The following ASCC3 variants were observed in gnomAD, a reference collection of about 807,000 sequenced individuals.
The protein encoded by ASCC3 is activating signal cointegrator 1 complex subunit 3.
ASCC3 carries 158 observed loss-of-function variants against 256.3 expected under a neutral mutation model. The observed-to-expected ratio is 0.62, with a 90% CI of 0.54 to 0.70. The LOEUF (loss-of-function observed/expected upper bound fraction) is 0.70, where lower values mean the gene tolerates loss of function less well. ASCC3 is among the 30% of genes least tolerant of loss of function. The pLI is 0.00. For synonymous variants in ASCC3, 948 were observed against 883.4 expected (o/e 1.07, Z -1.30); for missense variants, 2,259 against 2,626.0 (o/e 0.86, Z 3.05).
intron 14 of ASCC3, among the ~76,000 whole-genome samples, chr6:100,679,079 G>A (rs926466475): frequency 2.8e-4 from 42 of 152,120 alleles, no homozygotes; most frequent in African/African-American, 9.2e-4. Context: ...TGGCGAGTCC[G>A]GGTTGGGGCC....
chr6:100,611,529 A>T lies in ASCC3; in HGVS notation c.4786-4441T>A, dbSNP rs1462637542. Among the ~76,000 whole-genome samples the T allele has an allele frequency of 5.3e-5, 8 of 152,102 alleles. 1 individual carries two copies. The highest frequency in any genetic ancestry group is 4.6e-4 in the Admixed American group (7 of 15,258). ...AGATATAATTTGTTGAGCACTTATA[A>T]TATGCCAGGCATTGTGTTTATCACT... is the stretch of plus-strand genomic sequence containing the variant. On this transcript the variant is annotated intron_variant, in intron 30 of 41. Transcript: ENST00000369162.
At chr6:100,635,389 T>C (rs1351128060) in intron 25 of ASCC3, among the ~76,000 whole-genome samples, 3 of 152,004 alleles carry the variant, frequency 2.0e-5, no homozygotes, top group Non-Finnish European at 4.4e-5. Context: ...TTTTTAAAAG[T>C]TGGATTCATA....
At chr6:100,525,324 T>G (rs1357258275) in intron 37 of ASCC3, among the ~76,000 whole-genome samples, 1 of 151,754 alleles carries the variant, frequency 6.6e-6, no homozygotes, top group African/African-American at 2.4e-5. Flanking sequence ...TATGCCAAAA[T>G]GAGAAAAATT....
At chr6:100,856,376 C>A in intron 3 of ASCC3, 2 of 983,566 alleles carry the variant, frequency 2.0e-6, no homozygotes, top group Non-Finnish European at 2.4e-6. Flanking sequence ...CATAGGAGTT[C>A]TCACCATGAT....
intron 23 of ASCC3, among the ~76,000 whole-genome samples, 188 bp from the exon 24 acceptor site, chr6:100,642,937 A>G (rs1478006256): frequency 6.6e-6 from 1 of 152,170 alleles, no homozygotes; most frequent in East Asian, 1.9e-4. Flanking sequence ...GATACCTGAT[A>G]GAAGGTAAAA....
At chr6:100,510,599 A>G (rs1773711701) in intron 40 of ASCC3, among the ~76,000 whole-genome samples, 1 of 152,172 alleles carries the variant, frequency 6.6e-6, no homozygotes, top group African/African-American at 2.4e-5. Flanking sequence ...TATCAAACAC[A>G]TACTTTCCCC....
intron 4 of ASCC3, among the ~76,000 whole-genome samples, chr6:100,824,044 A>C (rs1771179442): frequency 6.6e-6 from 1 of 152,182 alleles, no homozygotes. Flanking sequence ...AAAAGATATA[A>C]TGAGCCTAAA....
At chr6:100,832,860 A>AT (rs1771688461) in intron 4 of ASCC3, among the ~76,000 whole-genome samples, 1 of 152,184 alleles carries the variant, frequency 6.6e-6, no homozygotes, top group South Asian at 2.1e-4. Flanking sequence ...CAATTAAACA[A>AT]TAAAAACTAC....
Position 100,644,082 on chromosome 6 carries a change from A to G in ASCC3, c.3681T>C (p.Pro1227=). Residue 1227 remains proline (P), a synonymous_variant, in exon 23 of 42, where the codon CCT becomes CCC. Transcript: ENST00000369162. ...CTGAATGATAAATATGATCATTTGT[A>G]GGATCTTCTACCCAAATCCACCAAG... ...GEPWWIWVED[P]TNDHIYHSEY... The G allele has an allele frequency of 6.2e-7, 1 of 1,612,972 alleles. No individual in the cohort carries two copies. Among genetic ancestry groups the G allele is most frequent in the Non-Finnish European group, 8.5e-7 (1 of 1,179,348 alleles).
intron 30 of ASCC3, among the ~76,000 whole-genome samples, chr6:100,609,887 G>T (rs1050027700): frequency 3.3e-5 from 5 of 152,114 alleles, no homozygotes; most frequent in African/African-American, 1.2e-4. Flanking sequence ...TCCAGCCTGG[G>T]CAACAGAGCT....
intron 30 of ASCC3, among the ~76,000 whole-genome samples, chr6:100,615,401 T>G (rs1773619068): frequency 6.6e-6 from 1 of 152,134 alleles, no homozygotes; most frequent in African/African-American, 2.4e-5. Flanking sequence ...TATGGCAGAT[T>G]AAAATAACAG....
chr6:100,715,934 G>C (rs954576186), intron 12 of ASCC3, among the ~76,000 whole-genome samples: 1 of 151,740 alleles, frequency 6.6e-6, no homozygotes, highest in African/African-American at 2.4e-5. Flanking sequence ...TTTCCTGTAT[G>C]ATTCTAAATG....
chr6:100,660,392 T>G (rs1414373641), intron 16 of ASCC3, among the ~76,000 whole-genome samples: 2 of 151,584 alleles, frequency 1.3e-5, no homozygotes, highest in Non-Finnish European at 3.0e-5. Flanking sequence ...GCCACTATCA[T>G]TTTATATTAA....
At chr6:100,568,596 T>C (rs1324676603) in intron 36 of ASCC3, among the ~76,000 whole-genome samples, 1 of 151,852 alleles carries the variant, frequency 6.6e-6, no homozygotes, top group Non-Finnish European at 1.5e-5. Context: ...TTCTGGATTC[T>C]AGACCTTTCT....
intron 1 of ASCC3, among the ~76,000 whole-genome samples, chr6:100,880,027 C>T (rs909845482): frequency 6.6e-6 from 1 of 152,102 alleles, no homozygotes; most frequent in African/African-American, 2.4e-5. Context: ...AGGCCTAGCC[C>T]AGCGTTTGAC....
intron 16 of ASCC3, 78 bp from the exon 17 acceptor site, chr6:100,655,896 G>A: frequency 3.9e-6 from 6 of 1,535,170 alleles, no homozygotes; most frequent in Non-Finnish European, 5.4e-6. Context: ...TTCTGTCAGA[G>A]GTGAAGTTTT....
chr6:100,613,518 T>A (rs1246148131), intron 30 of ASCC3, among the ~76,000 whole-genome samples: 1 of 152,136 alleles, frequency 6.6e-6, no homozygotes, highest in East Asian at 1.9e-4. Context: ...CTATTTTGTA[T>A]ATATACATTT....
chr6:100,658,788 T>C (rs1776044053), intron 16 of ASCC3, among the ~76,000 whole-genome samples: 1 of 151,628 alleles, frequency 6.6e-6, no homozygotes, highest in Non-Finnish European at 1.5e-5. Context: ...GACAAGGTGT[T>C]TACCTGACAT....
intron 36 of ASCC3, among the ~76,000 whole-genome samples, chr6:100,568,241 G>A (rs1395060601): frequency 3.3e-5 from 5 of 151,744 alleles, no homozygotes; most frequent in East Asian, 3.9e-4. Flanking sequence ...GGTGGTGGGC[G>A]CCTATAATCC....
Sources: allele counts gnomAD v4.1 joint callset (sites outside exome capture counted in the v4.1 genomes callset), GRCh38; gene constraint gnomAD v4.1.1; transcripts MANE v1.5; gene names NCBI Gene and HGNC (gene_info 2026-07-23, HGNC 2026-07-21).